Variants in CPNE4 observed in about 807,000 individuals in gnomAD.
CPNE4 encodes copine 4, also known as copine-4.
In CPNE4, 25 loss-of-function variants were observed where a neutral mutation model predicts 67.9. That is an observed-to-expected ratio of 0.37 (90% CI 0.27 to 0.51). The LOEUF (loss-of-function observed/expected upper bound fraction) is 0.51. Among genes scored for constraint, CPNE4 ranks in the 20% least tolerant of loss-of-function variants. CPNE4 has a pLI of 0.93. For synonymous variants in CPNE4, 242 were observed against 244.9 expected, an observed-to-expected ratio of 0.99 and a Z score of 0.11; for missense variants, 464 against 690.8, an observed-to-expected ratio of 0.67 and a Z score of 3.68.
At chr3:131,562,623 T>C (rs1936830859) in intron 11 of CPNE4, among the ~76,000 whole-genome samples, 1 of 152,004 alleles carries the variant, frequency 6.6e-6, no homozygotes, top group Non-Finnish European at 1.5e-5. Context: ...TCTGTGTGTG[T>C]GGTATAAAGA....
At position 131,662,475 on chromosome 3, in the gene CPNE4, G is replaced by A. The variant is rs534009934; in HGVS notation, c.681+7200C>T. 1.7e-3 allele frequency among the ~76,000 whole-genome samples: 258 copies of A among 152,216 alleles called. 1 individual carries two copies. Among genetic ancestry groups the A allele is most frequent in the Middle Eastern group, 6.8e-3 (2 of 294 alleles). ...GCCTCACAGTAAGGCATCAGAAACCGTGCTGAACTACATAAGGGTGGTACC... is the reference window on the plus strand; with the variant it reads ...GCCTCACAGTAAGGCATCAGAAACCATGCTGAACTACATAAGGGTGGTACC... On this transcript the variant is annotated intron_variant, in intron 7 of 15. Coordinates refer to ENST00000429747, the MANE Select transcript of CPNE4 (RefSeq NM_130808.3).
At chr3:131,655,003 C>A (rs540043994) in intron 7 of CPNE4, among the ~76,000 whole-genome samples, 1 of 152,184 alleles carries the variant, frequency 6.6e-6, no homozygotes, top group African/African-American at 2.4e-5. Context: ...GGGAAAGAGT[C>A]TTTGAGTAAT....
At chr3:131,801,741 T>A (rs990840954) in intron 2 of CPNE4, among the ~76,000 whole-genome samples, 3 of 150,496 alleles carry the variant, frequency 2.0e-5, no homozygotes, top group African/African-American at 7.3e-5. Context: ...TAAACTGTAG[T>A]GTACTCAAGT....
chr3:131,843,442 T>C (rs1032867239), intron 2 of CPNE4, among the ~76,000 whole-genome samples: 1 of 152,214 alleles, frequency 6.6e-6, no homozygotes, highest in Non-Finnish European at 1.5e-5. Context: ...CAAAGCGATA[T>C]GGAGCACATA....
intron 4 of CPNE4, among the ~76,000 whole-genome samples, chr3:131,698,551 T>A (rs969880635): frequency 3.3e-5 from 5 of 151,544 alleles, no homozygotes; most frequent in African/African-American, 1.2e-4. Flanking sequence ...CTCAGGTAAG[T>A]TCTTGTGAGA....
In CPNE4 at chr3:131,708,959, TATATATATATATATATATA is replaced by T. The variant is rs1231014694; in HGVS notation, c.361-8998_361-8980del. The stretch of plus-strand genomic sequence containing the variant: ...AAATCAGTGTCTGAGGGCATAAAGA[TATATATATATATATATATA>T]TATATATATATATATATACATACAC... On this transcript the variant is annotated intron_variant, in intron 3 of 15. Transcript: ENST00000429747. Among the ~76,000 whole-genome samples the T allele has an allele frequency of 1.3e-3, 72 of 55,688 alleles. 3 individuals are homozygous for T. Among genetic ancestry groups the T allele is most frequent in the African/African-American group, 7.8e-3 (72 of 9,200 alleles). 36.5% of individuals were successfully genotyped at this position (55,688 alleles called of 152,430 possible). A position where few individuals can be genotyped will look rare whatever the true frequency, so the allele number is the denominator to read the frequency against.
chr3:131,799,182 AAT>A (rs1240016659), intron 2 of CPNE4, among the ~76,000 whole-genome samples: 2 of 152,208 alleles, frequency 1.3e-5, no homozygotes, highest in East Asian at 3.8e-4. Flanking sequence ...GACCAGATAT[AAT>A]CGAGTTAGGA....
chr3:131,569,696 AAGAG>A (rs1448449373), intron 10 of CPNE4, among the ~76,000 whole-genome samples: 23 of 151,822 alleles, frequency 1.5e-4, no homozygotes, highest in African/African-American at 5.3e-4. Flanking sequence ...GAAAGAAAGA[AAGAG>A]AGAAAGAAAG....
At chr3:131,944,399 G>T (rs1366336719) in intron 1 of CPNE4, among the ~76,000 whole-genome samples, 1 of 152,022 alleles carries the variant, frequency 6.6e-6, no homozygotes, top group African/African-American at 2.4e-5. Flanking sequence ...GAGACAAATG[G>T]GTGAGAGGCT....
chr3:132,035,104 T>A, upstream of CPNE4: 3 of 974,604 alleles, frequency 3.1e-6, no homozygotes, highest in African/African-American at 1.8e-5. Context: ...AGACGAGCAT[T>A]GCCCCGGGAA....
intron 3 of CPNE4, among the ~76,000 whole-genome samples, chr3:131,719,574 T>C (rs1041779541): frequency 6.6e-6 from 1 of 152,216 alleles, no homozygotes; most frequent in Non-Finnish European, 1.5e-5. Flanking sequence ...TCTTTTTAGT[T>C]CCTCATATGT....
chr3:131,596,157 C>CAAATAAAT (rs143272276), intron 7 of CPNE4, among the ~76,000 whole-genome samples: 18,087 of 151,508 alleles, frequency 0.12, 1,390 homozygotes, highest in African/African-American at 0.22. Context: ...AACAAACAAA[C>CAAATAAAT]AAACAAATAA....
chr3:131,951,717 C>A (rs1012120269), intron 1 of CPNE4, among the ~76,000 whole-genome samples: 4 of 152,366 alleles, frequency 2.6e-5, no homozygotes, highest in Non-Finnish European at 4.4e-5. Context: ...CGCGTGCCGC[C>A]ACGCCTGACT....
chr3:131,728,392 C>A (rs1039776205), intron 2 of CPNE4, among the ~76,000 whole-genome samples: 17 of 152,146 alleles, frequency 1.1e-4, no homozygotes, highest in African/African-American at 3.6e-4. Context: ...TAGTTAAGCT[C>A]CAGAACCTGT....
At position 131,542,839 on chromosome 3, in the gene CPNE4, G is replaced by A. The variant is rs757678513; in HGVS notation, c.1303-46C>T. The A allele has an allele frequency of 1.4e-5, 19 of 1,366,110 alleles. No homozygotes were observed. The East Asian group carries it at 3.9e-4, about 28-fold the overall frequency. 84.6% of individuals were successfully genotyped at this position (1,366,110 alleles called of 1,614,324 possible). A position where few individuals can be genotyped will look rare whatever the true frequency, so the allele number is the denominator to read the frequency against. The stretch of plus-strand genomic sequence containing the variant: ...ATGATGGGGGGGGGTGAAGAGGTGA[G>A]GGAGACAAGGACAATACAATACCAG... On this transcript the variant is annotated intron_variant, in intron 14 of 15. Transcript: ENST00000429747.
At chr3:131,986,870 A>C (rs1583563749) in intron 1 of CPNE4, among the ~76,000 whole-genome samples, 1 of 148,798 alleles carries the variant, frequency 6.7e-6, no homozygotes, top group Non-Finnish European at 1.5e-5. Flanking sequence ...AAACAAACAA[A>C]AAAAAAAAAA....
chr3:131,984,227 T>C (rs2072985788), intron 1 of CPNE4, among the ~76,000 whole-genome samples: 1 of 152,200 alleles, frequency 6.6e-6, no homozygotes, highest in Non-Finnish European at 1.5e-5. Flanking sequence ...ATCTCCTAAC[T>C]CTTCATCCTG....
At position 131,777,709 on chromosome 3, in the gene CPNE4, C is replaced by T. The variant is rs544375463; in HGVS notation, c.181-54084G>A. Among the ~76,000 whole-genome samples, 13 of 152,190 alleles carry T rather than the reference C, an allele frequency of 8.5e-5. No individual in the cohort carries two copies. The East Asian group carries it at 1.5e-3, about 18-fold the overall frequency. On this transcript the variant is annotated intron_variant, in intron 2 of 15. Transcript: ENST00000429747. ...TTGGTATTACACTTTATTGGCACTA[C>T]ACTTTGAATATTTCAAAAGAATCTT... is the stretch of plus-strand genomic sequence containing the variant.
intron 2 of CPNE4, among the ~76,000 whole-genome samples, chr3:131,790,361 CT>C (rs1340740775): frequency 1.3e-5 from 2 of 152,122 alleles, no homozygotes; most frequent in African/African-American, 4.8e-5. Flanking sequence ...CAAAGCTCAC[CT>C]TCCCCAGGGG....
Sources: allele counts gnomAD v4.1 joint callset (sites outside exome capture counted in the v4.1 genomes callset), GRCh38; gene constraint gnomAD v4.1.1; transcripts MANE v1.5; gene names NCBI Gene and HGNC (gene_info 2026-07-23, HGNC 2026-07-21).